The following BMPR1B variants were observed in gnomAD, a reference collection of about 807,000 sequenced individuals.
BMPR1B encodes the protein bone morphogenetic protein receptor type-1B.
A neutral mutation model predicts 59.1 loss-of-function variants in BMPR1B; 12 were observed. That is an observed-to-expected ratio of 0.20 (90% CI 0.13 to 0.33). BMPR1B has a LOEUF of 0.33. Among genes scored for constraint, BMPR1B ranks in the 10% least tolerant of loss-of-function variants. BMPR1B has a pLI of 1.00. For synonymous variants in BMPR1B, 237 were observed against 207.3 expected, an observed-to-expected ratio of 1.14 and a Z score of -1.23; for missense variants, 550 against 610.9, an observed-to-expected ratio of 0.90 and a Z score of 1.05.
intron 1 of BMPR1B, among the ~76,000 whole-genome samples, chr4:94,781,515 C>T (rs983135925): frequency 4.6e-5 from 7 of 152,178 alleles, no homozygotes; most frequent in Non-Finnish European, 8.8e-5. Flanking sequence ...CAGATTCAAG[C>T]GATTCCCCTG....
Position 95,092,259 on chromosome 4 carries a change from T to C in BMPR1B, c.-17-12149T>C, listed in dbSNP as rs1471437369. Among the ~76,000 whole-genome samples the C allele has an allele frequency of 1.4e-4, 22 of 152,144 alleles. 1 individual carries two copies. Among genetic ancestry groups the C allele is most frequent in the Admixed American group, 1.4e-3 (22 of 15,246 alleles). ...GTTTTGGCATGATAAAGTGTACATTTGGAGAAGTGAGGGCAAGTATATTTT... is the reference window on the plus strand; with the variant it reads ...GTTTTGGCATGATAAAGTGTACATTCGGAGAAGTGAGGGCAAGTATATTTT... On this transcript the variant is annotated intron_variant, in intron 3 of 12. Coordinates refer to ENST00000515059, the MANE Select transcript of BMPR1B (RefSeq NM_001203.3).
At position 94,816,783 on chromosome 4, in the gene BMPR1B, C is replaced by T. The variant is rs182100738; in HGVS notation, c.-183+58715C>T. Among the ~76,000 whole-genome samples the T allele has an allele frequency of 1.5e-4, 23 of 152,196 alleles. No individual in the cohort carries two copies. The East Asian group carries it at 4.4e-3, about 29-fold the overall frequency. On this transcript the variant is annotated intron_variant, in intron 1 of 12. Transcript: ENST00000515059. ...TACTATGGAAGAAAATGAAATGGTC[C>T]AGGCTCATCCAGTTCTTATTCTTAA...
At position 94,996,122 on chromosome 4, in the gene BMPR1B, C is replaced by T. The variant is rs117271963; in HGVS notation, c.-30C>T. 1 of 152,286 alleles carries T rather than the reference C, an allele frequency of 6.6e-6. No individual in the cohort carries two copies. Among genetic ancestry groups the T allele is most frequent in the East Asian group, 1.9e-4 (1 of 5,186 alleles). The allele number at this position is 152,286 out of a possible 1,614,324, so 9.4% of individuals were successfully genotyped here. On this transcript the variant is annotated 5_prime_UTR_variant, in exon 3 of 13. Coordinates refer to ENST00000515059, the MANE Select transcript of BMPR1B (RefSeq NM_001203.3). ...CAAAAAGTTAAACAAGCAAGCCTGC[C>T]ATAAGTGAGAAGGTAAGTAATTAGC...
intron 1 of BMPR1B, among the ~76,000 whole-genome samples, chr4:94,814,251 C>T (rs897350208): frequency 2.6e-5 from 4 of 152,126 alleles, no homozygotes; most frequent in African/African-American, 9.7e-5. Context: ...TATTTTTTAA[C>T]AGGTTCTCAT....
At chr4:95,073,259 A>T (rs900574016) in intron 3 of BMPR1B, among the ~76,000 whole-genome samples, 1 of 152,188 alleles carries the variant, frequency 6.6e-6, no homozygotes, top group African/African-American at 2.4e-5. Context: ...CGGAATTGCC[A>T]TGATATCTTC....
intron 3 of BMPR1B, among the ~76,000 whole-genome samples, chr4:95,000,606 CG>C (rs1218075104): frequency 1.3e-5 from 2 of 151,548 alleles, no homozygotes; most frequent in Non-Finnish European, 2.9e-5. Context: ...ATCTCAGTGG[CG>C]TATCAAATAA....
In BMPR1B at chr4:94,949,607, C is replaced by T. The variant is rs1381063684; in HGVS notation, c.-112-46433C>T. Among the ~76,000 whole-genome samples the T allele has an allele frequency of 3.6e-5, 5 of 137,654 alleles. 1 individual carries two copies. The highest frequency in any genetic ancestry group is 2.0e-4 in the East Asian group (1 of 5,072). 90.3% of individuals were successfully genotyped at this position (137,654 alleles called of 152,430 possible). On this transcript the variant is annotated intron_variant, in intron 2 of 12. Transcript: ENST00000515059. ...CTGGGATTACAGGCGTGAGCCACCGCGCCCGGCCTGAACTCATTCTTTTTT... is the reference window on the plus strand; with the variant it reads ...CTGGGATTACAGGCGTGAGCCACCGTGCCCGGCCTGAACTCATTCTTTTTT...
At chr4:94,910,410 G>C (rs902477765) in intron 2 of BMPR1B, among the ~76,000 whole-genome samples, 1 of 152,062 alleles carries the variant, frequency 6.6e-6, no homozygotes, top group Non-Finnish European at 1.5e-5. Context: ...AGGGACTCCA[G>C]ATGTATTCAT....
chr4:94,954,001 T>C (rs1277231421), intron 2 of BMPR1B, among the ~76,000 whole-genome samples: 1 of 152,140 alleles, frequency 6.6e-6, no homozygotes, highest in Non-Finnish European at 1.5e-5. Context: ...TCACACTTTA[T>C]TTTATTAGTT....
chr4:95,024,128 A>C (rs1296731773), intron 3 of BMPR1B, among the ~76,000 whole-genome samples: 2 of 152,218 alleles, frequency 1.3e-5, no homozygotes, highest in Non-Finnish European at 2.9e-5. Flanking sequence ...AAGTTAGCCC[A>C]TGAGGCCAAA....
At chr4:94,990,237 C>A (rs1156692713) in intron 2 of BMPR1B, among the ~76,000 whole-genome samples, 4 of 152,014 alleles carry the variant, frequency 2.6e-5, no homozygotes, top group South Asian at 2.1e-4. Context: ...GCGCCTGTAT[C>A]CCAGCTACGT....
chr4:94,787,984 C>T lies in BMPR1B; in HGVS notation c.-183+29916C>T, dbSNP rs547694183. 6.6e-5 allele frequency among the ~76,000 whole-genome samples: 10 copies of T among 152,156 alleles called. No homozygotes were observed. The South Asian group carries it at 8.3e-4, about 13-fold the overall frequency. On this transcript the variant is annotated intron_variant, in intron 1 of 12. Transcript: ENST00000515059. Reference sequence around the variant, plus strand: ...AAAAGCAGCAACTTGTGGACAACTCCGTGGGGTTCAATGTGGTATATATGG... The same window carrying T: ...AAAAGCAGCAACTTGTGGACAACTCTGTGGGGTTCAATGTGGTATATATGG...
chr4:94,902,617 G>C (rs907317317), intron 2 of BMPR1B, among the ~76,000 whole-genome samples: 5 of 151,712 alleles, frequency 3.3e-5, no homozygotes, highest in African/African-American at 9.7e-5. Flanking sequence ...TTTTTCTGAA[G>C]TATTAAACAG....
At chr4:95,038,270 T>A (rs1256625523) in intron 3 of BMPR1B, among the ~76,000 whole-genome samples, 1 of 152,082 alleles carries the variant, frequency 6.6e-6, no homozygotes, top group East Asian at 1.9e-4. Context: ...CCCAGTGAGG[T>A]AGCAATTGGA....
chr4:94,904,562 A>G (rs1171824286), intron 2 of BMPR1B, among the ~76,000 whole-genome samples: 1 of 152,036 alleles, frequency 6.6e-6, no homozygotes, highest in African/African-American at 2.4e-5. Flanking sequence ...TGATTTGTGA[A>G]TTACCTGTAA....
chr4:95,095,013 T>G (rs1038880866), intron 3 of BMPR1B, among the ~76,000 whole-genome samples: 9 of 151,864 alleles, frequency 5.9e-5, no homozygotes, highest in African/African-American at 1.9e-4. Context: ...ATGTCCCAAC[T>G]TTTTATTAAT....
intron 1 of BMPR1B, among the ~76,000 whole-genome samples, chr4:94,802,131 T>C (rs536285986): frequency 6.6e-6 from 1 of 152,356 alleles, no homozygotes; most frequent in South Asian, 2.1e-4. Context: ...TAGTAGTTTC[T>C]TACCACCGTT....
chr4:94,980,219 T>G (rs1401973505), intron 2 of BMPR1B, among the ~76,000 whole-genome samples: 3 of 152,216 alleles, frequency 2.0e-5, no homozygotes, highest in Non-Finnish European at 4.4e-5. Flanking sequence ...ATCACAAAAT[T>G]GAAGGCAGTG....
intron 3 of BMPR1B, among the ~76,000 whole-genome samples, chr4:95,027,967 G>A (rs1303186027): frequency 6.6e-6 from 1 of 152,118 alleles, no homozygotes; most frequent in East Asian, 1.9e-4. Context: ...TTAACTTAAT[G>A]AATATCATCT....
Sources: allele counts gnomAD v4.1 joint callset (sites outside exome capture counted in the v4.1 genomes callset), GRCh38; gene constraint gnomAD v4.1.1; transcripts MANE v1.5; gene names NCBI Gene and HGNC (gene_info 2026-07-23, HGNC 2026-07-21).